The following ADD3 variants were observed in gnomAD, a reference collection of about 807,000 sequenced individuals.
The protein encoded by ADD3 is adducin 3, also known as gamma-adducin.
A neutral mutation model predicts 80.2 loss-of-function variants in ADD3; 25 were observed. That is an observed-to-expected ratio of 0.31 (90% confidence interval 0.23 to 0.44). The LOEUF is 0.44. ADD3 is among the 20% of genes least tolerant of loss of function. The probability of loss-of-function intolerance (pLI) is 1.00; values close to 1 mark genes in which losing one functional copy is unlikely to be tolerated. For synonymous variants in ADD3, 284 were observed against 289.6 expected, an observed-to-expected ratio of 0.98 and a Z score of 0.20; for missense variants, 829 against 847.5, an observed-to-expected ratio of 0.98 and a Z score of 0.27.
intron 3 of ADD3, among the ~76,000 whole-genome samples, chr10:110,115,590 A>G (rs986107737): frequency 1.3e-5 from 2 of 152,246 alleles, no homozygotes; most frequent in Non-Finnish European, 1.5e-5. Context: ...CAAAGGGAAC[A>G]GATGAACTTG....
chr10:110,072,021 T>G (rs1288126041), intron 1 of ADD3, among the ~76,000 whole-genome samples: 1 of 152,218 alleles, frequency 6.6e-6, no homozygotes, highest in Non-Finnish European at 1.5e-5. Context: ...TATCACATAT[T>G]AAATAGGCAA....
intron 1 of ADD3, among the ~76,000 whole-genome samples, chr10:110,028,638 C>G (rs1854601124): frequency 6.6e-6 from 1 of 152,118 alleles, no homozygotes; most frequent in South Asian, 2.1e-4. Flanking sequence ...GCAAATGAGT[C>G]TCTAAGCATT....
chr10:110,090,143 T>C (rs1471205371), intron 1 of ADD3, among the ~76,000 whole-genome samples: 1 of 151,550 alleles, frequency 6.6e-6, no homozygotes, highest in African/African-American at 2.4e-5. Context: ...ATCCTCAGCA[T>C]TGTCCAACTC....
chr10:110,077,694 A>G (rs1239679441), intron 1 of ADD3, among the ~76,000 whole-genome samples: 1 of 152,064 alleles, frequency 6.6e-6, no homozygotes, highest in Non-Finnish European at 1.5e-5. Flanking sequence ...TGTTCTTTCT[A>G]GAGTTTGTGA....
At chr10:110,094,056 C>T (rs896784595) in intron 1 of ADD3, among the ~76,000 whole-genome samples, 1 of 152,116 alleles carries the variant, frequency 6.6e-6, no homozygotes, top group African/African-American at 2.4e-5. Flanking sequence ...GTCAAATAAA[C>T]CACCATTATA....
At chr10:110,027,301 T>C (rs1854427078) in intron 1 of ADD3, among the ~76,000 whole-genome samples, 1 of 152,188 alleles carries the variant, frequency 6.6e-6, no homozygotes. Context: ...TGATGCCTTT[T>C]GTACAGGTTG....
intron 1 of ADD3, among the ~76,000 whole-genome samples, chr10:110,049,950 A>T (rs1857322115): frequency 1.3e-5 from 2 of 151,290 alleles, no homozygotes; most frequent in South Asian, 4.2e-4. Context: ...TGGGGTCTGT[A>T]GCCCCTTTGT....
chr10:110,106,598 A>C (rs1849419033), intron 2 of ADD3, among the ~76,000 whole-genome samples: 1 of 152,118 alleles, frequency 6.6e-6, no homozygotes, highest in Non-Finnish European at 1.5e-5. Context: ...TTATGAATTC[A>C]AAGTTTATAG....
At chr10:110,031,471 C>A (rs954939856) in intron 1 of ADD3, among the ~76,000 whole-genome samples, 4 of 152,102 alleles carry the variant, frequency 2.6e-5, no homozygotes, top group Non-Finnish European at 4.4e-5. Context: ...TAGTAGGTGG[C>A]AGAATGGAAT....
At chr10:110,127,080 A>G (rs1209366313) in intron 12 of ADD3, among the ~76,000 whole-genome samples, 1 of 152,234 alleles carries the variant, frequency 6.6e-6, no homozygotes, top group Admixed American at 6.5e-5. Context: ...CTGTTTATAC[A>G]GTGCTTCCCT....
At chr10:110,057,530 A>T (rs1464130269) in intron 1 of ADD3, among the ~76,000 whole-genome samples, 1 of 152,168 alleles carries the variant, frequency 6.6e-6, no homozygotes, top group Non-Finnish European at 1.5e-5. Flanking sequence ...TGGTGCTTCA[A>T]AATTATTGAT....
intron 1 of ADD3, among the ~76,000 whole-genome samples, chr10:110,100,349 C>CAAAAAAAAAA (rs750807063): frequency 1.3e-5 from 1 of 74,980 alleles, no homozygotes; most frequent in Non-Finnish European, 3.0e-5. Flanking sequence ...GACTCCATCT[C>CAAAAAAAAAA]AAAAAAAAAA....
upstream of ADD3, among the ~76,000 whole-genome samples, chr10:110,007,758 A>C (rs1156329210): frequency 1.3e-5 from 2 of 149,854 alleles, no homozygotes; most frequent in Non-Finnish European, 3.0e-5. Flanking sequence ...AGGACTCCCG[A>C]GGGGCGCTCG....
At chr10:110,113,541 A>G (rs1803470729) in intron 3 of ADD3, among the ~76,000 whole-genome samples, 3 of 152,194 alleles carry the variant, frequency 2.0e-5, no homozygotes, top group Admixed American at 1.3e-4. Flanking sequence ...TGCTGGGATT[A>G]CAGGCCTGAG....
chr10:110,109,532 T>G (rs1384963219), intron 2 of ADD3, among the ~76,000 whole-genome samples: 1 of 152,220 alleles, frequency 6.6e-6, no homozygotes, highest in African/African-American at 2.4e-5. Context: ...AATGCCTACT[T>G]CTCCAAGTTA....
chr10:110,101,786 T>C (rs1564980922), intron 2 of ADD3, among the ~76,000 whole-genome samples: 1 of 152,186 alleles, frequency 6.6e-6, no homozygotes, highest in Non-Finnish European at 1.5e-5. Context: ...GAGAACAGCT[T>C]GATTTAAAAT....
intron 1 of ADD3, among the ~76,000 whole-genome samples, chr10:110,090,904 C>T (rs1564960128): frequency 6.6e-6 from 1 of 152,116 alleles, no homozygotes; most frequent in Non-Finnish European, 1.5e-5. Flanking sequence ...CTAACTTTTA[C>T]TAAACAACTA....
chr10:110,087,873 T>A (rs1427238692), intron 1 of ADD3, among the ~76,000 whole-genome samples: 1 of 152,162 alleles, frequency 6.6e-6, no homozygotes, highest in Non-Finnish European at 1.5e-5. Context: ...CTCTTACAGT[T>A]CCGGAGGCCA....
At chr10:110,051,540 T>C (rs768882065) in intron 1 of ADD3, among the ~76,000 whole-genome samples, 2 of 152,226 alleles carry the variant, frequency 1.3e-5, no homozygotes, top group Non-Finnish European at 2.9e-5. Context: ...AATAGTGATA[T>C]ATCCATACAG....
Sources: gnomAD v4.1 joint callset for allele counts (sites outside exome capture counted in the v4.1 genomes callset) on GRCh38, gnomAD v4.1.1 for gene constraint, MANE v1.5 for transcripts, NCBI Gene and HGNC (gene_info 2026-07-23, HGNC 2026-07-21) for gene names.